The following ARMC9 variants were observed in gnomAD, a reference collection of about 807,000 sequenced individuals.
ARMC9 encodes the protein armadillo repeat containing 9, also known as lisH domain-containing protein ARMC9.
Under a neutral mutation model 107.0 loss-of-function variants are expected in ARMC9, and 94 were observed. The ratio of observed to expected loss-of-function variants is 0.88; its 90% CI spans 0.74 to 1.04. The LOEUF is 1.04. ARMC9 is among the 50% of genes least tolerant of loss of function. The pLI is 0.00. For synonymous variants in ARMC9, 380 were observed against 396.9 expected, an observed-to-expected ratio of 0.96 and a Z score of 0.51; for missense variants, 942 against 1,030.1, an observed-to-expected ratio of 0.91 and a Z score of 1.17.
At chr2:231,226,697 C>T in intron 6 of ARMC9, 77 bp from the exon 7 acceptor site, 3 of 1,515,170 alleles carry the variant, frequency 2.0e-6, no homozygotes, top group South Asian at 1.1e-5. Context: ...TGCTTTCTCA[C>T]ATTGGCCACA....
At chr2:231,371,107 A>T (rs976685119) in intron 24 of ARMC9, 1 of 475,126 alleles carries the variant, frequency 2.1e-6, no homozygotes, top group Non-Finnish European at 4.2e-6. Flanking sequence ...AGGTGCAGCA[A>T]ATCCAGGGGA....
chr2:231,340,006 C>T (rs938805703), intron 20 of ARMC9, among the ~76,000 whole-genome samples: 20 of 152,128 alleles, frequency 1.3e-4, no homozygotes, highest in Non-Finnish European at 2.9e-4. Flanking sequence ...TTTGGCTGGG[C>T]CTGAGAATTA....
intron 23 of ARMC9, among the ~76,000 whole-genome samples, chr2:231,361,771 G>A (rs1173966679): frequency 6.6e-6 from 1 of 152,134 alleles, no homozygotes; most frequent in African/African-American, 2.4e-5. Context: ...ATATGGGGCT[G>A]GAGCAGGCTC....
At position 231,267,553 on chromosome 2, in the gene ARMC9, G is replaced by A. The variant is rs554774785; in HGVS notation, c.1120-3429G>A. On this transcript the variant is annotated intron_variant, in intron 12 of 24. Coordinates refer to ENST00000611582, the MANE Select transcript of ARMC9 (RefSeq NM_001352754.2). ...GCCCGGCAGCAATATTTATGCCTAA[G>A]GGCAATGGTGAGCTGCTGTGTATTT... 1.1e-4 allele frequency among the ~76,000 whole-genome samples: 17 copies of A among 152,304 alleles called. No homozygotes were observed. The South Asian group carries it at 3.5e-3, about 32-fold the overall frequency.
chr2:231,323,500 GCT>G (rs1352816235), intron 19 of ARMC9, among the ~76,000 whole-genome samples: 1 of 152,170 alleles, frequency 6.6e-6, no homozygotes, highest in Non-Finnish European at 1.5e-5. Context: ...TCTTTGTTAA[GCT>G]GCCCTTCCCA....
chr2:231,367,698 A>C (rs1016644918), intron 23 of ARMC9, among the ~76,000 whole-genome samples: 8 of 152,178 alleles, frequency 5.3e-5, no homozygotes, highest in Non-Finnish European at 7.3e-5. Flanking sequence ...AAATAAGTTA[A>C]CTGGCCGGGC....
At chr2:231,241,886 G>T (rs1265485062) in intron 9 of ARMC9, among the ~76,000 whole-genome samples, 1 of 152,064 alleles carries the variant, frequency 6.6e-6, no homozygotes, top group Non-Finnish European at 1.5e-5. Context: ...TGTGCAAAAA[G>T]GGAAACAGGA....
intron 14 of ARMC9, among the ~76,000 whole-genome samples, chr2:231,275,231 C>A (rs1312552374): frequency 6.6e-6 from 1 of 152,184 alleles, no homozygotes; most frequent in Non-Finnish European, 1.5e-5. Flanking sequence ...CTGATTGGGT[C>A]AGTGTAGTGT....
chr2:231,367,690 A>G (rs1006226144), intron 23 of ARMC9, among the ~76,000 whole-genome samples: 1 of 152,214 alleles, frequency 6.6e-6, no homozygotes, highest in South Asian at 2.1e-4. Flanking sequence ...ACAATTTAAA[A>G]TAAGTTAACT....
At chr2:231,334,831 T>C (rs776460183) in intron 20 of ARMC9, among the ~76,000 whole-genome samples, 1 of 152,120 alleles carries the variant, frequency 6.6e-6, no homozygotes. Context: ...GTCATGCCCT[T>C]GCTCTTGTGG....
At chr2:231,236,639 A>G (rs1289549160) in intron 8 of ARMC9, among the ~76,000 whole-genome samples, 4 of 152,206 alleles carry the variant, frequency 2.6e-5, no homozygotes, top group African/African-American at 9.6e-5. Flanking sequence ...CACTAAAAAT[A>G]TACAATTAAA....
chr2:231,209,369 AGACCCTGTCTCC>A (rs2032499448), intron 3 of ARMC9, among the ~76,000 whole-genome samples: 1 of 152,182 alleles, frequency 6.6e-6, no homozygotes, highest in African/African-American at 2.4e-5. Context: ...TGACAGAGTG[AGACCCTGTCTCC>A]AAAAAAATTA....
In ARMC9 at chr2:231,242,277, G is replaced by T. The variant is rs545306864; in HGVS notation, c.879+2236G>T. On this transcript the variant is annotated intron_variant, in intron 9 of 24. Coordinates refer to ENST00000611582, the MANE Select transcript of ARMC9 (RefSeq NM_001352754.2). The stretch of plus-strand genomic sequence containing the variant: ...ATCTTCATAGAAGGCACGTAGTCAT[G>T]TGCTGAAGAGCAGGCGGCCTTGACC... 1.3e-4 allele frequency among the ~76,000 whole-genome samples: 19 copies of T among 151,944 alleles called. No homozygotes were observed. In the South Asian group the frequency reaches 3.9e-3, roughly 32 times the overall value.
At chr2:231,280,306 A>C (rs892172438) in intron 16 of ARMC9, among the ~76,000 whole-genome samples, 1 of 152,094 alleles carries the variant, frequency 6.6e-6, no homozygotes, top group African/African-American at 2.4e-5. Flanking sequence ...GAAAATACAA[A>C]AATTAGCCAG....
chr2:231,230,097 C>T lies in ARMC9; in HGVS notation c.622+3299C>T, dbSNP rs2035064440. Reference sequence around the variant, plus strand: ...GGTCTTGTCACTAGGCGTGGTGGCTCATGCCCGTAATCCCAGCACTGTGGG... The same window carrying T: ...GGTCTTGTCACTAGGCGTGGTGGCTTATGCCCGTAATCCCAGCACTGTGGG... On this transcript the variant is annotated intron_variant, in intron 7 of 24. Coordinates refer to ENST00000611582, the MANE Select transcript of ARMC9 (RefSeq NM_001352754.2). 3.3e-5 allele frequency among the ~76,000 whole-genome samples: 5 copies of T among 152,264 alleles called. No homozygotes were observed. In the South Asian group the frequency reaches 1.0e-3, roughly 32 times the overall value.
chr2:231,260,608 G>A (rs536345268), intron 11 of ARMC9, among the ~76,000 whole-genome samples: 1 of 152,280 alleles, frequency 6.6e-6, no homozygotes, highest in East Asian at 1.9e-4. Context: ...GAGTCCTGTG[G>A]ACAAGCAGTG....
chr2:231,339,208 A>T (rs1173255493), intron 20 of ARMC9, among the ~76,000 whole-genome samples: 1 of 144,028 alleles, frequency 6.9e-6, no homozygotes, highest in Admixed American at 7.0e-5. Flanking sequence ...TGCATCTGTA[A>T]TCCCAGCTAC....
intron 12 of ARMC9, among the ~76,000 whole-genome samples, 159 bp downstream of exon 12, chr2:231,262,557 C>A (rs2038469420): frequency 6.6e-6 from 1 of 152,176 alleles, no homozygotes; most frequent in Admixed American, 6.5e-5. Flanking sequence ...TTACTTTTTG[C>A]TTCTAGTGAA....
chr2:231,256,250 G>T, intron 9 of ARMC9: 1 of 1,547,022 alleles, frequency 6.5e-7, no homozygotes, highest in Non-Finnish European at 8.7e-7. Context: ...CCCCGTGCGC[G>T]AGGGCGACGT....
Sources: allele counts gnomAD v4.1 joint callset (sites outside exome capture counted in the v4.1 genomes callset), GRCh38; gene constraint gnomAD v4.1.1; transcripts MANE v1.5; gene names NCBI Gene and HGNC (gene_info 2026-07-23, HGNC 2026-07-21).